Variants in PRPF6 observed in about 807,000 individuals in gnomAD.
PRPF6 encodes the protein pre-mRNA processing factor 6.
A neutral mutation model predicts 118.3 loss-of-function variants in PRPF6; 42 were observed. The ratio of observed to expected loss-of-function variants is 0.35; its 90% CI spans 0.28 to 0.46. The LOEUF (loss-of-function observed/expected upper bound fraction) is 0.46, where lower values mean the gene tolerates loss of function less well. Among genes scored for constraint, PRPF6 ranks in the 20% least tolerant of loss-of-function variants. The pLI is 1.00. For synonymous variants in PRPF6, 481 were observed against 485.1 expected, an observed-to-expected ratio of 0.99 and a Z score of 0.11; for missense variants, 662 against 1,255.7, an observed-to-expected ratio of 0.53 and a Z score of 7.15.
At chr20:64,015,959 T>A (rs529124800) in intron 11 of PRPF6, among the ~76,000 whole-genome samples, 1 of 152,232 alleles carries the variant, frequency 6.6e-6, no homozygotes, top group Non-Finnish European at 1.5e-5. Flanking sequence ...AGACCCTGTA[T>A]CTATGAAACA....
intron 6 of PRPF6, 72 bp downstream of exon 6, chr20:63,995,554 C>CCTTCTT (rs147996986): frequency 6.4e-7 from 1 of 1,556,558 alleles, no homozygotes; most frequent in Non-Finnish European, 8.8e-7. Context: ...TTCTTTTTCT[C>CCTTCTT]CTTCTTCTTC....
chr20:64,006,873 C>T (rs1162689462), intron 9 of PRPF6, among the ~76,000 whole-genome samples: 2 of 152,208 alleles, frequency 1.3e-5, no homozygotes, highest in East Asian at 1.9e-4. Context: ...CTGCCTGAAT[C>T]GGTGAATTCA....
chr20:63,987,388 T>C (rs1343424757), intron 3 of PRPF6, among the ~76,000 whole-genome samples: 1 of 151,840 alleles, frequency 6.6e-6, no homozygotes, highest in Non-Finnish European at 1.5e-5. Flanking sequence ...AGGCCTATAA[T>C]TTCAGCTACT....
chr20:64,011,417 A>T lies in PRPF6; in HGVS notation c.1438A>T (p.Thr480Ser). Residue 480 changes from threonine to serine, a missense_variant, in exon 11 of 21, where the codon ACG (threonine) becomes TCG (serine). Coordinates refer to ENST00000266079, the MANE Select transcript of PRPF6 (RefSeq NM_012469.4). The surrounding 1 kb of genome is among the most constrained non-coding windows in gnomAD (Gnocchi z 6.7). Reference sequence around the variant, plus strand: ...TAAGCTGGAGGAAGCCAATGGGAACACGCAGATGGTGGAGAAGATCATCGA... The same window carrying T: ...TAAGCTGGAGGAAGCCAATGGGAACTCGCAGATGGTGGAGAAGATCATCGA... ...AAKLEEANGN[T>S]QMVEKIIDRA... 1 of 1,614,214 alleles carries T rather than the reference A, an allele frequency of 6.2e-7. No individual in the cohort carries two copies. Among genetic ancestry groups the T allele is most frequent in the Non-Finnish European group, 8.5e-7 (1 of 1,180,046 alleles).
rs10670252 is a variant in PRPF6 at position 64,020,785 on chromosome 20, ATTTTTT to A, written c.1648-1958_1648-1953del. ...TCGTGGTAAATATATACTATACCTA[ATTTTTT>A]TTTTTTTTTTTTTGAGACAAGGTCT... is the stretch of plus-strand genomic sequence containing the variant. On this transcript the variant is annotated intron_variant, in intron 12 of 20. Transcript: ENST00000266079. 4.5e-5 allele frequency among the ~76,000 whole-genome samples: 6 copies of A among 134,168 alleles called. No individual in the cohort carries two copies. The Admixed American group carries it at 4.5e-4, about 10-fold the overall frequency. 88.0% of individuals were successfully genotyped at this position (134,168 alleles called of 152,430 possible).
At position 64,027,222 on chromosome 20, in the gene PRPF6, G is replaced by A. The variant is rs2059295097; in HGVS notation, c.2205+64G>A. 1 of 1,590,218 alleles carries A rather than the reference G, an allele frequency of 6.3e-7. No homozygotes were observed. The highest frequency in any genetic ancestry group is 8.6e-7 in the Non-Finnish European group (1 of 1,164,836). ...GGCATTCACAAAACTGAGCCCCCTGGTGCAGGGTCATTGCCCTTCGCCTCT... is the reference window on the plus strand; with the variant it reads ...GGCATTCACAAAACTGAGCCCCCTGATGCAGGGTCATTGCCCTTCGCCTCT... On this transcript the variant is annotated intron_variant, in intron 16 of 20. Coordinates refer to ENST00000266079, the MANE Select transcript of PRPF6 (RefSeq NM_012469.4). The surrounding 1 kb of genome is among the most constrained non-coding windows in gnomAD (Gnocchi z 6.5).
intron 1 of PRPF6, among the ~76,000 whole-genome samples, chr20:63,981,854 T>G (rs555842078): frequency 6.6e-6 from 1 of 152,198 alleles, no homozygotes; most frequent in South Asian, 2.1e-4. Context: ...TAAGGAGGGT[T>G]TGCTATTACC....
At chr20:64,004,149 A>G (rs1310659813) in intron 9 of PRPF6, among the ~76,000 whole-genome samples, 2 of 152,052 alleles carry the variant, frequency 1.3e-5, no homozygotes, top group Non-Finnish European at 2.9e-5. Flanking sequence ...GTTCATTTCC[A>G]GTTGGTTTGG....
intron 13 of PRPF6, 118 bp from the exon 14 acceptor site, chr20:64,024,437 A>C: frequency 7.4e-7 from 1 of 1,348,004 alleles, no homozygotes; most frequent in Non-Finnish European, 1.1e-6. Flanking sequence ...TCAATCATTT[A>C]TAGCATCGAA....
At position 64,021,554 on chromosome 20, in the gene PRPF6, GTGTGTGTC is replaced by G. The variant is rs879174970; in HGVS notation, c.1648-1195_1648-1188del. ...CTCAGCCACAGCCCCGTGTCTGTGT[GTGTGTGTC>G]TGTGTGTGTGTGTGCACATATGCAT... On this transcript the variant is annotated intron_variant, in intron 12 of 20. Transcript: ENST00000266079. Among the ~76,000 whole-genome samples, 255 of 148,982 alleles carry G rather than the reference GTGTGTGTC, an allele frequency of 1.7e-3. 10 individuals are homozygous for G. In the South Asian group the frequency reaches 0.046, roughly 27 times the overall value.
chr20:64,022,098 G>A (rs2059269505), intron 12 of PRPF6, among the ~76,000 whole-genome samples: 1 of 152,230 alleles, frequency 6.6e-6, no homozygotes, highest in Non-Finnish European at 1.5e-5. Flanking sequence ...CTAGTGACTT[G>A]TGCACCTCTC....
In PRPF6 at chr20:63,981,188, CTT is replaced by C; in HGVS notation, c.-56_-55del. The C allele has an allele frequency of 6.5e-7, 1 of 1,535,122 alleles. No individual in the cohort carries two copies. The highest frequency in any genetic ancestry group is 8.9e-7 in the Non-Finnish European group (1 of 1,127,860). ...ACGTCGAAGCCTAGAGTCTCTGCGT[CTT>C]TCCCTCTTCCGCTGCCTCATTCCTT... On this transcript the variant is annotated 5_prime_UTR_variant, in exon 1 of 21. Transcript: ENST00000266079.
chr20:64,021,691 T>TATGC (rs1402525769), intron 12 of PRPF6, among the ~76,000 whole-genome samples: 15 of 148,466 alleles, frequency 1.0e-4, no homozygotes, highest in African/African-American at 3.3e-4. Flanking sequence ...TGTGCGTGTG[T>TATGC]GTGCACGTAT....
At chr20:63,996,629 A>G (rs963723466) in intron 6 of PRPF6, among the ~76,000 whole-genome samples, 1 of 152,172 alleles carries the variant, frequency 6.6e-6, no homozygotes, top group East Asian at 1.9e-4. Flanking sequence ...ATTTGTTTAC[A>G]TAGAAATTGT....
At chr20:64,025,086 A>G (rs886185223) in intron 14 of PRPF6, among the ~76,000 whole-genome samples, 1 of 152,148 alleles carries the variant, frequency 6.6e-6, no homozygotes, top group Non-Finnish European at 1.5e-5. Context: ...ATTTTCACAT[A>G]TAACATCCTA....
At chr20:63,992,161 C>T (rs1222957609) in intron 3 of PRPF6, among the ~76,000 whole-genome samples, 2 of 152,174 alleles carry the variant, frequency 1.3e-5, no homozygotes, top group Non-Finnish European at 2.9e-5. Context: ...GATTGGCTCA[C>T]TGCAACCTCC....
At chr20:64,024,160 G>T (rs907114288) in intron 13 of PRPF6, among the ~76,000 whole-genome samples, 2 of 152,178 alleles carry the variant, frequency 1.3e-5, no homozygotes, top group African/African-American at 4.8e-5. Flanking sequence ...GATGCCGGGA[G>T]AGTGAACCTG....
chr20:64,015,992 G>T (rs971023928), intron 11 of PRPF6, among the ~76,000 whole-genome samples: 10 of 152,134 alleles, frequency 6.6e-5, no homozygotes, highest in African/African-American at 2.4e-4. Flanking sequence ...GAGCATGGTG[G>T]TGCATGTCTG....
intron 1 of PRPF6, among the ~76,000 whole-genome samples, chr20:63,982,819 C>T (rs1402066809): frequency 2.0e-5 from 3 of 152,062 alleles, no homozygotes; most frequent in Non-Finnish European, 4.4e-5. Flanking sequence ...TGATCGAAGC[C>T]TTAGGGTGGA....
Sources: gnomAD v4.1 joint callset for allele counts (sites outside exome capture counted in the v4.1 genomes callset) on GRCh38, gnomAD v4.1.1 for gene constraint, Gnocchi (gnomAD v3.1) non-coding constraint, MANE v1.5 for transcripts, NCBI Gene and HGNC (gene_info 2026-07-23, HGNC 2026-07-21) for gene names.